CCNY: variants seen among roughly 807,000 people sequenced by gnomAD.
CCNY encodes cyclin-Y.
In CCNY, 19 loss-of-function variants were observed where a neutral mutation model predicts 42.8. That is an observed-to-expected ratio of 0.44 (90% confidence interval 0.31 to 0.65). The LOEUF (loss-of-function observed/expected upper bound fraction) is 0.65, where lower values mean the gene tolerates loss of function less well. Ranked by LOEUF, CCNY falls within the 30% of genes least tolerant of loss-of-function variation. CCNY has a pLI of 0.07. For synonymous variants in CCNY, 165 were observed against 162.7 expected, an observed-to-expected ratio of 1.01 and a Z score of -0.11; for missense variants, 370 against 437.3, an observed-to-expected ratio of 0.85 and a Z score of 1.37.
At chr10:35,276,085 C>T (rs1835236027) in intron 3 of CCNY, among the ~76,000 whole-genome samples, 6 of 152,230 alleles carry the variant, frequency 3.9e-5, no homozygotes, top group Admixed American at 3.9e-4. Flanking sequence ...CCACAGACTT[C>T]TCATTCAGTA....
chr10:35,513,072 A>G (rs1189081061), intron 3 of CCNY, among the ~76,000 whole-genome samples: 3 of 152,178 alleles, frequency 2.0e-5, no homozygotes, highest in African/African-American at 7.2e-5. Flanking sequence ...CTTCTTAAAT[A>G]TATCATTCAA....
At chr10:35,416,673 T>A (rs1395137466) in intron 1 of CCNY, among the ~76,000 whole-genome samples, 1 of 152,196 alleles carries the variant, frequency 6.6e-6, no homozygotes, top group Non-Finnish European at 1.5e-5. Flanking sequence ...TGTGGCATGA[T>A]TTATTTGGTT....
intron 1 of CCNY, among the ~76,000 whole-genome samples, chr10:35,468,689 A>C (rs1057073844): frequency 2.0e-5 from 3 of 152,226 alleles, no homozygotes; most frequent in African/African-American, 4.8e-5. Context: ...CTGTCATCGG[A>C]GGACATAATC....
chr10:35,380,410 G>A (rs116788459), intron 1 of CCNY, among the ~76,000 whole-genome samples: 3,370 of 152,292 alleles, frequency 0.022, 121 homozygotes, highest in African/African-American at 0.076. Context: ...GTATCAGAGA[G>A]TTTTAAAGCC....
chr10:35,266,298 C>G (rs1054301914), intron 3 of CCNY, among the ~76,000 whole-genome samples: 10 of 132,496 alleles, frequency 7.5e-5, no homozygotes, highest in African/African-American at 2.8e-4. Flanking sequence ...TGGGGTTTCA[C>G]TATGTTGGTC....
At chr10:35,464,730 ACCCT>A (rs1839223258) in intron 1 of CCNY, among the ~76,000 whole-genome samples, 1 of 151,906 alleles carries the variant, frequency 6.6e-6, no homozygotes, top group Non-Finnish European at 1.5e-5. Context: ...CCAGCCTTTA[ACCCT>A]GGGGGCCACA....
At chr10:35,446,589 TG>T (rs1838794818) in intron 1 of CCNY, among the ~76,000 whole-genome samples, 1 of 152,188 alleles carries the variant, frequency 6.6e-6, no homozygotes, top group African/African-American at 2.4e-5. Context: ...GGACAGGAAT[TG>T]TAATAAGCTG....
chr10:35,254,805 T>G (rs1350759004), intron 3 of CCNY, among the ~76,000 whole-genome samples: 3 of 121,314 alleles, frequency 2.5e-5, no homozygotes, highest in African/African-American at 6.6e-5. Context: ...CACTCCAGTC[T>G]GGGGGAAAGA....
At chr10:35,333,595 C>A (rs548639898), upstream of CCNY, among the ~76,000 whole-genome samples, 14 of 152,304 alleles carry the variant, frequency 9.2e-5, no homozygotes, top group East Asian at 2.5e-3. Flanking sequence ...AGGTTCAAAT[C>A]CCCAATTAGG....
chr10:35,547,607 G>A (rs936095918), intron 7 of CCNY, among the ~76,000 whole-genome samples: 2 of 152,242 alleles, frequency 1.3e-5, no homozygotes, highest in East Asian at 1.9e-4. Flanking sequence ...ATTTGTGGTC[G>A]TTTTACTAGC....
chr10:35,375,119 A>G (rs1229487120), intron 1 of CCNY, among the ~76,000 whole-genome samples: 1 of 152,116 alleles, frequency 6.6e-6, no homozygotes, highest in Non-Finnish European at 1.5e-5. Context: ...TATTGATGCC[A>G]TAACAAATTA....
intron 3 of CCNY, among the ~76,000 whole-genome samples, chr10:35,253,623 G>A (rs1483666928): frequency 1.3e-5 from 2 of 150,794 alleles, no homozygotes; most frequent in Non-Finnish European, 3.0e-5. Flanking sequence ...TCCCCATGAG[G>A]GAATCTCATG....
chr10:35,352,881 G>C (rs1304184375), intron 1 of CCNY, among the ~76,000 whole-genome samples: 2 of 152,168 alleles, frequency 1.3e-5, no homozygotes, highest in African/African-American at 4.8e-5. Flanking sequence ...AGGGTAATTT[G>C]CTTCTGAAAG....
At chr10:35,466,344 A>G (rs1001175394) in intron 1 of CCNY, among the ~76,000 whole-genome samples, 1 of 152,162 alleles carries the variant, frequency 6.6e-6, no homozygotes, top group Non-Finnish European at 1.5e-5. Flanking sequence ...GGCCTGGTCA[A>G]GCCTGGGAAA....
chr10:35,559,689 G>T (rs1312152780), intron 8 of CCNY, among the ~76,000 whole-genome samples: 1 of 152,212 alleles, frequency 6.6e-6, no homozygotes, highest in Non-Finnish European at 1.5e-5. Context: ...GTCGTACTCT[G>T]GCATTCCACG....
chr10:35,349,489 G>C (rs573358344), intron 1 of CCNY, among the ~76,000 whole-genome samples: 44 of 152,244 alleles, frequency 2.9e-4, no homozygotes, highest in Non-Finnish European at 5.3e-4. Context: ...GAGAAGGACA[G>C]TGTGCAAGTT....
chr10:35,398,710 A>C lies in CCNY; in HGVS notation c.154+61503A>C, dbSNP rs567025763. On this transcript the variant is annotated intron_variant, in intron 1 of 9. Coordinates refer to ENST00000374704, the MANE Select transcript of CCNY (RefSeq NM_145012.6). ...TGCTCACTAGTTTTTGTCTAAAAACAAAACAAAACAAAAAACCGTAAAGTG... is the reference window on the plus strand; with the variant it reads ...TGCTCACTAGTTTTTGTCTAAAAACCAAACAAAACAAAAAACCGTAAAGTG... 2.0e-5 allele frequency among the ~76,000 whole-genome samples: 3 copies of C among 152,372 alleles called. No individual in the cohort carries two copies. In the South Asian group the frequency reaches 6.2e-4, roughly 32 times the overall value.
intron 1 of CCNY, among the ~76,000 whole-genome samples, chr10:35,475,766 A>G (rs1839495082): frequency 6.6e-6 from 1 of 151,416 alleles, no homozygotes; most frequent in Non-Finnish European, 1.5e-5. Context: ...TCATAATGAC[A>G]GGATCAAATT....
chr10:35,309,602 G>A (rs749355744), intron 3 of CCNY, among the ~76,000 whole-genome samples: 2 of 151,776 alleles, frequency 1.3e-5, no homozygotes, highest in Non-Finnish European at 2.9e-5. Context: ...TGAATTTTCT[G>A]TAGAGATGAG....
Sources: allele counts gnomAD v4.1 joint callset (sites outside exome capture counted in the v4.1 genomes callset), GRCh38; gene constraint gnomAD v4.1.1; transcripts MANE v1.5; gene names NCBI Gene and HGNC (gene_info 2026-07-23, HGNC 2026-07-21).